VCAN: variants seen among roughly 807,000 people sequenced by gnomAD.
VCAN encodes the protein versican.
Under a neutral mutation model 245.5 loss-of-function variants are expected in VCAN, and 44 were observed. That is an observed-to-expected ratio of 0.18 (90% CI 0.14 to 0.23). The LOEUF is 0.23. Ranked by LOEUF, VCAN falls within the 10% of genes least tolerant of loss-of-function variation. The pLI, the probability that VCAN is intolerant of heterozygous loss-of-function variation, is 1.00. For missense variants in VCAN, 3,793 were observed against 4,057.9 expected (o/e 0.93, Z 1.77); for synonymous variants, 1,413 against 1,437.0 (o/e 0.98, Z 0.38).
At chr5:83,506,473 A>G (rs939008363) in intron 5 of VCAN, among the ~76,000 whole-genome samples, 1 of 151,998 alleles carries the variant, frequency 6.6e-6, no homozygotes, top group Non-Finnish European at 1.5e-5. Context: ...TCCAGTCCCC[A>G]AGTCCTTCAT....
chr5:83,498,759 A>G (rs188387678), intron 5 of VCAN, among the ~76,000 whole-genome samples: 23 of 152,210 alleles, frequency 1.5e-4, no homozygotes, highest in Admixed American at 1.0e-3. Flanking sequence ...ATCACTTTTG[A>G]GTTTCATTTT....
At chr5:83,508,148 C>T (rs1745536825) in intron 5 of VCAN, among the ~76,000 whole-genome samples, 1 of 152,176 alleles carries the variant, frequency 6.6e-6, no homozygotes, top group Non-Finnish European at 1.5e-5. Context: ...TTGACATAAT[C>T]CTGGGAGGCA....
rs562226244 is a variant in VCAN, at chr5:83,573,676, T to C, written c.9880+1116T>C. The stretch of plus-strand genomic sequence containing the variant: ...TAAATAGACAATAAAAACATACATA[T>C]ATTTTCAAGCATAAGCACTCAGGTA... On this transcript the variant is annotated intron_variant, in intron 13 of 14. Coordinates refer to ENST00000265077, the MANE Select transcript of VCAN (RefSeq NM_004385.5). 8.2e-4 allele frequency among the ~76,000 whole-genome samples: 125 copies of C among 152,230 alleles called. 1 individual carries two copies. Among genetic ancestry groups the C allele is most frequent in the Admixed American group, 3.5e-3 (53 of 15,282 alleles).
At chr5:83,542,981 G>T (rs1747062104) in intron 8 of VCAN, among the ~76,000 whole-genome samples, 1 of 152,166 alleles carries the variant, frequency 6.6e-6, no homozygotes, top group African/African-American at 2.4e-5. Flanking sequence ...TAAAAGCCCT[G>T]TGTGAAAGGG....
At chr5:83,479,116 A>C (rs914017609) in intron 1 of VCAN, among the ~76,000 whole-genome samples, 7 of 152,150 alleles carry the variant, frequency 4.6e-5, no homozygotes, top group African/African-American at 1.7e-4. Flanking sequence ...TCTCTGCTGT[A>C]CAATGATTCT....
At chr5:83,488,918 G>A (rs552691698) in intron 2 of VCAN, among the ~76,000 whole-genome samples, 18 of 152,072 alleles carry the variant, frequency 1.2e-4, no homozygotes, top group Non-Finnish European at 1.9e-4. Context: ...TTAATCTTTA[G>A]CAAGACAGTA....
At chr5:83,573,181 AGCCACC>A (rs1356046097) in intron 13 of VCAN, among the ~76,000 whole-genome samples, 1 of 152,150 alleles carries the variant, frequency 6.6e-6, no homozygotes, top group Non-Finnish European at 1.5e-5. Context: ...TACAGGCTTG[AGCCACC>A]GCTCCTGACC....
At position 83,580,598 on chromosome 5, in the gene VCAN, T is replaced by A. The variant is rs1748641118; in HGVS notation, c.*164T>A. The A allele has an allele frequency of 9.9e-6, 10 of 1,013,968 alleles. 1 individual carries two copies. The South Asian group carries it at 1.4e-4, about 14-fold the overall frequency. The allele number at this position is 1,013,968 out of a possible 1,614,324, so 62.8% of individuals were successfully genotyped here. A position where few individuals can be genotyped will look rare whatever the true frequency, so the allele number is the denominator to read the frequency against. ...TCCCAAAACATTTTAAATGAAAGTATTGGCATTCAAAAAGACAGCAGACAA... is the reference window on the plus strand; with the variant it reads ...TCCCAAAACATTTTAAATGAAAGTAATGGCATTCAAAAAGACAGCAGACAA... On this transcript the variant is annotated 3_prime_UTR_variant, in exon 15 of 15. Transcript: ENST00000265077.
chr5:83,476,979 TATA>T (rs1210850275), intron 1 of VCAN, among the ~76,000 whole-genome samples: 2 of 152,292 alleles, frequency 1.3e-5, no homozygotes, highest in South Asian at 2.1e-4. Context: ...TTTGATAAAT[TATA>T]ATCTTTTTAT....
At position 83,521,832 on chromosome 5, in the gene VCAN, G is replaced by A; in HGVS notation, c.3526G>A (p.Glu1176Lys). 1 of 1,614,118 alleles carries A rather than the reference G, an allele frequency of 6.2e-7. No homozygotes were observed. Residue 1176 changes from glutamate (E) to lysine (K), a missense_variant, in exon 7 of 15, where the codon GAG (glutamate) becomes AAG (lysine). Transcript: ENST00000265077. Reference sequence around the variant, plus strand: ...AACCACTACTGAGAAAACATCCCTAGAGGATATTGATTTAGGCTCAGGATT... The same window carrying A: ...AACCACTACTGAGAAAACATCCCTAAAGGATATTGATTTAGGCTCAGGATT... Reference protein sequence around the residue: ...EETTTEKTSLEDIDLGSGLFE... With the variant: ...EETTTEKTSLKDIDLGSGLFE...
At position 83,539,398 on chromosome 5, in the gene VCAN, C is replaced by A; in HGVS notation, c.6395C>A (p.Ser2132Tyr). The A allele has an allele frequency of 6.2e-7, 1 of 1,614,026 alleles. No individual in the cohort carries two copies. The highest frequency in any genetic ancestry group is 1.1e-5 in the South Asian group (1 of 91,076). Residue 2132 changes from serine to tyrosine, a missense_variant, in exon 8 of 15, where the codon TCT becomes TAT. Physicochemically the swap from Ser to Tyr is moderately radical, Grantham distance 144 (BLOSUM62 -2). Transcript: ENST00000265077. ...AAGTCATTTGAATCCCCTCAAAACT[C>A]TCCTGCAACAGAACAAACAATCTTT... ...EEKSFESPQN[S>Y]PATEQTIFDS...
At chr5:83,513,099 G>C (rs1441221077) in intron 6 of VCAN, among the ~76,000 whole-genome samples, 1 of 151,930 alleles carries the variant, frequency 6.6e-6, no homozygotes, top group Non-Finnish European at 1.5e-5. Context: ...TAATTTTCCA[G>C]ATGTCCTCAA....
At chr5:83,486,357 A>T (rs1744791855) in intron 2 of VCAN, among the ~76,000 whole-genome samples, 1 of 152,208 alleles carries the variant, frequency 6.6e-6, no homozygotes, top group Admixed American at 6.5e-5. Context: ...GAGTGAATAA[A>T]TAAATAAATG....
chr5:83,510,363 T>G (rs1745614250), intron 5 of VCAN, among the ~76,000 whole-genome samples: 1 of 152,248 alleles, frequency 6.6e-6, no homozygotes. Context: ...TCAGAGAAAG[T>G]AATAGCACTA....
intron 7 of VCAN, among the ~76,000 whole-genome samples, chr5:83,528,357 C>G (rs1409303779): frequency 6.6e-6 from 1 of 152,144 alleles, no homozygotes; most frequent in Non-Finnish European, 1.5e-5. Context: ...AACTTAGGCT[C>G]ACCAGTGGGG....
chr5:83,512,349 C>A lies in VCAN; in HGVS notation c.995C>A (p.Thr332Lys). 1.9e-6 allele frequency: 3 copies of A among 1,610,570 alleles called. No homozygotes were observed. The highest frequency in any genetic ancestry group is 2.5e-6 in the Non-Finnish European group (3 of 1,177,022). Reference sequence around the variant, plus strand: ...ACCCTGTATCGTTTTGAGAACCAGACAGGCTTCCCTCCCCCTGATAGCAGA... The same window carrying A: ...ACCCTGTATCGTTTTGAGAACCAGAAAGGCTTCCCTCCCCCTGATAGCAGA... ...VRTLYRFENQ[T>K]GFPPPDSRFD... The change falls in exon 6 of 15, where the codon ACA becomes AAA. Residue 332 changes from threonine (T) to lysine (K), a missense_variant. Thr to Lys is a moderately conservative substitution (Grantham distance 78). This residue lies in a region of VCAN where 190 missense variants were observed against 288.6 expected (regional missense o/e 0.66). Coordinates refer to ENST00000265077, the MANE Select transcript of VCAN (RefSeq NM_004385.5).
intron 13 of VCAN, among the ~76,000 whole-genome samples, chr5:83,576,342 C>G (rs1005458221): frequency 4.0e-5 from 6 of 151,860 alleles, no homozygotes; most frequent in African/African-American, 1.2e-4. Context: ...GTGCTTTGCT[C>G]TTTTTTTTGT....
intron 1 of VCAN, among the ~76,000 whole-genome samples, chr5:83,480,968 C>G (rs994218544): frequency 6.6e-6 from 1 of 151,812 alleles, no homozygotes; most frequent in Non-Finnish European, 1.5e-5. Context: ...TTTATCAATT[C>G]CTATGATCAC....
At chr5:83,536,981 TA>T (rs1746736923) in intron 7 of VCAN, 25 bp from the exon 8 acceptor site, 1 of 1,549,714 alleles carries the variant, frequency 6.5e-7, no homozygotes, top group South Asian at 1.3e-5. Flanking sequence ...TCTATTTAAG[TA>T]TTGTGAAAAC....
Sources: gnomAD v4.1 joint callset for allele counts (sites outside exome capture counted in the v4.1 genomes callset) on GRCh38, gnomAD v4.1.1 for gene constraint, gnomAD v4.1.1 regional missense constraint, MANE v1.5 for transcripts, NCBI Gene and HGNC (gene_info 2026-07-23, HGNC 2026-07-21) for gene names.